CDH12: variants seen among roughly 807,000 people sequenced by gnomAD.
CDH12 encodes the protein cadherin 12, also known as cadherin-12.
Under a neutral mutation model 74.1 loss-of-function variants are expected in CDH12, and 41 were observed. The observed-to-expected ratio is 0.55, with a 90% CI of 0.43 to 0.72. The LOEUF (loss-of-function observed/expected upper bound fraction) is 0.72, where lower values mean the gene tolerates loss of function less well. CDH12 is among the 30% of genes least tolerant of loss of function. The probability of loss-of-function intolerance (pLI) is 0.00; values close to 1 mark genes in which losing one functional copy is unlikely to be tolerated. For missense variants in CDH12, 945 were observed against 977.2 expected, an observed-to-expected ratio of 0.97 and a Z score of 0.44; for synonymous variants, 399 against 355.0, an observed-to-expected ratio of 1.12 and a Z score of -1.39.
At chr5:22,488,885 T>C (rs762780005) in intron 2 of CDH12, among the ~76,000 whole-genome samples, 8 of 151,890 alleles carry the variant, frequency 5.3e-5, no homozygotes, top group Non-Finnish European at 1.0e-4. Context: ...TGGCATGGCA[T>C]GGCCCTGTTT....
intron 3 of CDH12, among the ~76,000 whole-genome samples, chr5:22,262,517 G>T (rs1204406640): frequency 6.6e-6 from 1 of 151,170 alleles, no homozygotes; most frequent in Non-Finnish European, 1.5e-5. Flanking sequence ...GTCTATCATT[G>T]TTGGACATTT....
intron 1 of CDH12, among the ~76,000 whole-genome samples, chr5:22,598,202 A>G (rs1736691333): frequency 2.6e-5 from 4 of 152,238 alleles, no homozygotes; most frequent in Admixed American, 2.6e-4. Flanking sequence ...GAAGGTAAAG[A>G]TAACTTCAGC....
chr5:22,318,268 C>T (rs1049877584), intron 3 of CDH12, among the ~76,000 whole-genome samples: 3 of 152,194 alleles, frequency 2.0e-5, no homozygotes, highest in Non-Finnish European at 4.4e-5. Context: ...TCTACAGAGA[C>T]ATCACATGGC....
At chr5:22,820,514 G>A (rs1439070246) in intron 1 of CDH12, among the ~76,000 whole-genome samples, 1 of 151,828 alleles carries the variant, frequency 6.6e-6, no homozygotes, top group Non-Finnish European at 1.5e-5. Flanking sequence ...AGAAAAGAGA[G>A]AGAATCAAAT....
At chr5:22,564,170 T>TA (rs1739189983) in intron 1 of CDH12, among the ~76,000 whole-genome samples, 1 of 152,214 alleles carries the variant, frequency 6.6e-6, no homozygotes, top group African/African-American at 2.4e-5. Flanking sequence ...TATTGTCTTA[T>TA]AAAAATATAG....
chr5:22,849,621 T>C (rs901504496), intron 1 of CDH12, among the ~76,000 whole-genome samples: 1 of 152,110 alleles, frequency 6.6e-6, no homozygotes, highest in Admixed American at 6.5e-5. Flanking sequence ...ATATATCCAT[T>C]TGAACACATA....
At chr5:21,909,239 C>T (rs1470518213) in intron 6 of CDH12, among the ~76,000 whole-genome samples, 1 of 152,062 alleles carries the variant, frequency 6.6e-6, no homozygotes, top group African/African-American at 2.4e-5. Context: ...TTATTAACAA[C>T]ATTGAAGCCT....
At chr5:22,414,124 T>C (rs1026131204) in intron 2 of CDH12, among the ~76,000 whole-genome samples, 3 of 152,022 alleles carry the variant, frequency 2.0e-5, no homozygotes, top group Non-Finnish European at 4.4e-5. Flanking sequence ...CTGAAAATAT[T>C]TGAGCTAATT....
At chr5:22,049,840 T>C (rs763247542) in intron 5 of CDH12, among the ~76,000 whole-genome samples, 10 of 152,170 alleles carry the variant, frequency 6.6e-5, no homozygotes, top group South Asian at 2.1e-4. Context: ...AAAGTCTTCA[T>C]AGATTCTCTT....
intron 3 of CDH12, among the ~76,000 whole-genome samples, chr5:22,375,749 T>C (rs1277149922): frequency 2.0e-5 from 3 of 151,958 alleles, no homozygotes; most frequent in Admixed American, 2.0e-4. Context: ...TGATGTATCA[T>C]TTTACACCAG....
chr5:22,037,772 T>G (rs1443152451), intron 5 of CDH12, among the ~76,000 whole-genome samples: 1 of 151,892 alleles, frequency 6.6e-6, no homozygotes, highest in Admixed American at 6.6e-5. Flanking sequence ...AACAAACAAC[T>G]ATATGTTGAT....
At chr5:22,387,651 G>T (rs1246219655) in intron 3 of CDH12, among the ~76,000 whole-genome samples, 1 of 152,116 alleles carries the variant, frequency 6.6e-6, no homozygotes, top group Non-Finnish European at 1.5e-5. Context: ...GAATAGCACT[G>T]GATTTAAGCA....
intron 1 of CDH12, among the ~76,000 whole-genome samples, chr5:22,709,990 T>C (rs1333712288): frequency 6.6e-6 from 1 of 152,084 alleles, no homozygotes; most frequent in Non-Finnish European, 1.5e-5. Flanking sequence ...AAGATATGAG[T>C]CATAGCCTAG....
intron 6 of CDH12, among the ~76,000 whole-genome samples, chr5:21,923,759 T>G (rs1256288643): frequency 6.6e-6 from 1 of 152,208 alleles, no homozygotes; most frequent in Non-Finnish European, 1.5e-5. Context: ...ATATGGATCT[T>G]GGTATAATTT....
chr5:22,527,669 T>C (rs10036620), intron 1 of CDH12, among the ~76,000 whole-genome samples: 22,316 of 152,158 alleles, frequency 0.15, 1,736 homozygotes, highest in South Asian at 0.21. Context: ...GAATTCATGG[T>C]AGAAGGTATG....
intron 1 of CDH12, among the ~76,000 whole-genome samples, chr5:22,773,709 C>A (rs1746935728): frequency 6.6e-6 from 1 of 151,978 alleles, no homozygotes; most frequent in Non-Finnish European, 1.5e-5. Flanking sequence ...AAATAGACAA[C>A]CTACAGAGTG....
chr5:22,817,573 A>C (rs1320730064), intron 1 of CDH12, among the ~76,000 whole-genome samples: 1 of 152,158 alleles, frequency 6.6e-6, no homozygotes, highest in African/African-American at 2.4e-5. Flanking sequence ...TTTAATTTCT[A>C]TACTGAGTTA....
In CDH12 at chr5:22,289,190, A is replaced by T. The variant is rs187819873; in HGVS notation, c.-332-76547T>A. ...AAGTGCTTATCAAGTCCCAGAGAGGATTGATGAAAAATGACAAACAAGTCG... is the reference window on the plus strand; with the variant it reads ...AAGTGCTTATCAAGTCCCAGAGAGGTTTGATGAAAAATGACAAACAAGTCG... On this transcript the variant is annotated intron_variant, in intron 3 of 14. Transcript: ENST00000382254. Among the ~76,000 whole-genome samples the T allele has an allele frequency of 2.7e-3, 408 of 152,312 alleles. 1 individual carries two copies. The highest frequency in any genetic ancestry group is 9.2e-3 in the African/African-American group (381 of 41,566).
At chr5:22,152,340 A>G (rs1747651305) in intron 4 of CDH12, 1 of 152,198 alleles carries the variant, frequency 6.6e-6, no homozygotes, top group East Asian at 1.9e-4. Context: ...ACATAATTAA[A>G]TCTTTTTAAA....
Sources: gnomAD v4.1 joint callset for allele counts (sites outside exome capture counted in the v4.1 genomes callset) on GRCh38, gnomAD v4.1.1 for gene constraint, MANE v1.5 for transcripts, NCBI Gene and HGNC (gene_info 2026-07-23, HGNC 2026-07-21) for gene names.